NPAS3: variants seen among roughly 807,000 people sequenced by gnomAD.
The protein encoded by NPAS3 is neuronal PAS domain-containing protein 3.
Under a neutral mutation model 73.1 loss-of-function variants are expected in NPAS3, and 14 were observed. The observed-to-expected ratio is 0.19, with a 90% CI of 0.13 to 0.30. The LOEUF is 0.30. NPAS3 is among the 10% of genes least tolerant of loss of function. The probability of loss-of-function intolerance (pLI) is 1.00; values close to 1 mark genes in which losing one functional copy is unlikely to be tolerated. For synonymous variants in NPAS3, 620 were observed against 541.5 expected, an observed-to-expected ratio of 1.14 and a Z score of -2.01; for missense variants, 1,096 against 1,250.0, an observed-to-expected ratio of 0.88 and a Z score of 1.86.
intron 3 of NPAS3, among the ~76,000 whole-genome samples, chr14:33,326,696 A>G (rs1481578373): frequency 1.3e-5 from 2 of 152,236 alleles, no homozygotes; most frequent in Non-Finnish European, 2.9e-5. Flanking sequence ...TGGAAAGGAA[A>G]ATGAACAGGA....
At chr14:33,392,791 A>G (rs2138630126) in intron 4 of NPAS3, among the ~76,000 whole-genome samples, 1 of 152,160 alleles carries the variant, frequency 6.6e-6, no homozygotes, top group Admixed American at 6.5e-5. Flanking sequence ...TGCCCTCTAC[A>G]CAGTATTTTT....
chr14:33,665,745 T>A (rs905993312), intron 5 of NPAS3, among the ~76,000 whole-genome samples: 1 of 152,120 alleles, frequency 6.6e-6, no homozygotes. Flanking sequence ...TTCTTCCGAA[T>A]TAAACCTCAG....
chr14:33,316,971 C>T (rs959414406), intron 3 of NPAS3, among the ~76,000 whole-genome samples: 1 of 152,092 alleles, frequency 6.6e-6, no homozygotes, highest in Non-Finnish European at 1.5e-5. Flanking sequence ...TAGATCACTT[C>T]TAAAGTTCCT....
At chr14:33,450,379 A>G (rs529171073) in intron 4 of NPAS3, among the ~76,000 whole-genome samples, 11 of 152,214 alleles carry the variant, frequency 7.2e-5, no homozygotes, top group Non-Finnish European at 1.3e-4. Flanking sequence ...GACTACAGAA[A>G]CACAAAGAAA....
chr14:32,938,485 T>TGG (rs1491191135), upstream of NPAS3, among the ~76,000 whole-genome samples: 1 of 21,750 alleles, frequency 4.6e-5, no homozygotes, highest in African/African-American at 2.7e-4. Context: ...GAGAGAGAAA[T>TGG]TGAGAGAGAG....
intron 3 of NPAS3, among the ~76,000 whole-genome samples, chr14:33,305,628 G>T (rs945925107): frequency 8.5e-5 from 13 of 152,156 alleles, no homozygotes; most frequent in Admixed American, 8.5e-4. Context: ...TTGGTAATTG[G>T]AAATGAAGAC....
chr14:33,349,442 A>G (rs2044917947), intron 3 of NPAS3, among the ~76,000 whole-genome samples: 1 of 152,220 alleles, frequency 6.6e-6, no homozygotes, highest in Admixed American at 6.5e-5. Context: ...TAACAAATTA[A>G]CTAGCTGATG....
downstream of NPAS3, chr14:33,803,009 A>C (rs1282858563): frequency 3.3e-5 from 5 of 152,140 alleles, no homozygotes; most frequent in Admixed American, 2.6e-4. Flanking sequence ...CCCACAACGG[A>C]ATTCTGGGTA....
intron 1 of NPAS3, among the ~76,000 whole-genome samples, chr14:33,032,218 G>A (rs558296390): frequency 6.6e-6 from 1 of 152,304 alleles, no homozygotes; most frequent in East Asian, 1.9e-4. Flanking sequence ...CTGAACATTT[G>A]ACTTAGTTCT....
chr14:33,353,292 T>G (rs1393588125), intron 3 of NPAS3, among the ~76,000 whole-genome samples: 3 of 152,242 alleles, frequency 2.0e-5, no homozygotes, highest in Non-Finnish European at 4.4e-5. Context: ...TAATATTCTT[T>G]TAGCTCACAC....
intron 1 of NPAS3, among the ~76,000 whole-genome samples, chr14:33,051,199 A>G (rs866426937): frequency 4.0e-5 from 6 of 148,578 alleles, no homozygotes; most frequent in Admixed American, 1.3e-4. Flanking sequence ...GCGTGAACCC[A>G]GGAAGCGGAG....
intron 2 of NPAS3, among the ~76,000 whole-genome samples, chr14:33,127,509 CTACTT>C (rs1441120485): frequency 6.6e-6 from 1 of 152,090 alleles, no homozygotes; most frequent in Non-Finnish European, 1.5e-5. Flanking sequence ...GGCTGTGTCT[CTACTT>C]GTGTTACTTT....
At chr14:33,203,330 T>C (rs1240176041) in intron 2 of NPAS3, among the ~76,000 whole-genome samples, 1 of 152,208 alleles carries the variant, frequency 6.6e-6, no homozygotes, top group East Asian at 1.9e-4. Context: ...ATTTTATTTA[T>C]GTATTTTTGT....
Position 33,139,953 on chromosome 14 carries a change from T to TC in NPAS3, c.141-75228dup, listed in dbSNP as rs398118041. On this transcript the variant is annotated intron_variant, in intron 2 of 11. Coordinates refer to ENST00000356141, the Ensembl canonical transcript of NPAS3. ...TATTCTGCCTGCATGATTTTTTTTTTCAAGAGAAAGAGTTGCTGAATTTAA... is the reference window on the plus strand; with the variant it reads ...TATTCTGCCTGCATGATTTTTTTTTTCCAAGAGAAAGAGTTGCTGAATTTAA... 6.9e-3 allele frequency among the ~76,000 whole-genome samples: 1,053 copies of TC among 152,114 alleles called. 12 individuals are homozygous for TC. Among genetic ancestry groups the TC allele is most frequent in the African/African-American group, 0.024 (1,006 of 41,516 alleles).
chr14:33,754,525 C>T (rs763031028), intron 7 of NPAS3, among the ~76,000 whole-genome samples: 8 of 152,158 alleles, frequency 5.3e-5, no homozygotes, highest in Admixed American at 1.3e-4. Flanking sequence ...GGCTCTATGG[C>T]GGTAGCATGG....
At chr14:33,601,544 T>G (rs978116470) in intron 5 of NPAS3, among the ~76,000 whole-genome samples, 2 of 152,184 alleles carry the variant, frequency 1.3e-5, no homozygotes, top group Non-Finnish European at 2.9e-5. Flanking sequence ...CTCATTTAAT[T>G]TGATCTCACA....
chr14:33,019,124 G>T (rs928881970), intron 1 of NPAS3, among the ~76,000 whole-genome samples: 3 of 152,212 alleles, frequency 2.0e-5, no homozygotes, highest in African/African-American at 4.8e-5. Flanking sequence ...ATAAAAATGA[G>T]TATGATTTTA....
At position 33,268,157 on chromosome 14, in the gene NPAS3, G is replaced by GCC. The variant is rs750751810; in HGVS notation, c.385+52734_385+52735dup. ...ACCTCCCAGTGACCTTGTCATTAAA[G>GCC]CCCCTTCTCTTGTCCATTGGACAAG... On this transcript the variant is annotated intron_variant, in intron 3 of 11. Transcript: ENST00000356141. Among the ~76,000 whole-genome samples the GCC allele has an allele frequency of 2.2e-4, 33 of 152,070 alleles. 1 individual carries two copies. The highest frequency in any genetic ancestry group is 2.6e-4 in the Non-Finnish European group (18 of 67,988).
At chr14:33,071,123 T>C (rs1460791324) in intron 2 of NPAS3, among the ~76,000 whole-genome samples, 1 of 152,170 alleles carries the variant, frequency 6.6e-6, no homozygotes, top group African/African-American at 2.4e-5. Flanking sequence ...CATACCTGAT[T>C]TGTCAAGTGA....
Sources: allele counts gnomAD v4.1 joint callset (sites outside exome capture counted in the v4.1 genomes callset), GRCh38; gene constraint gnomAD v4.1.1; transcripts MANE v1.5; gene names NCBI Gene and HGNC (gene_info 2026-07-23, HGNC 2026-07-21).